The following DAPK1 variants were observed in gnomAD, a reference collection of about 807,000 sequenced individuals.
DAPK1 encodes death associated protein kinase 1, also known as death-associated protein kinase 1.
A neutral mutation model predicts 144.9 loss-of-function variants in DAPK1; 56 were observed. The ratio of observed to expected loss-of-function variants is 0.39; its 90% CI spans 0.31 to 0.48. The LOEUF is 0.48. Ranked by LOEUF, DAPK1 falls within the 20% of genes least tolerant of loss-of-function variation. The probability of loss-of-function intolerance (pLI) is 0.95; values close to 1 mark genes in which losing one functional copy is unlikely to be tolerated. For missense variants in DAPK1, 1,454 were observed against 1,875.4 expected (o/e 0.78, Z 4.15); for synonymous variants, 690 against 749.0 (o/e 0.92, Z 1.29).
Position 87,641,951 on chromosome 9 carries a change from C to A in DAPK1, c.829-18C>A, listed in dbSNP as rs866637667. ...TAATTTGAGAGCTTTAATTTTTTTTCTTGGATTTTTATTTTAGCCTAAAGA... is the reference window on the plus strand; with the variant it reads ...TAATTTGAGAGCTTTAATTTTTTTTATTGGATTTTTATTTTAGCCTAAAGA... On this transcript the variant is annotated intron_variant, in intron 9 of 25. Transcript: ENST00000408954. 1.3e-6 allele frequency: 2 copies of A among 1,584,624 alleles called. No individual in the cohort carries two copies. Among genetic ancestry groups the A allele is most frequent in the Non-Finnish European group, 1.7e-6 (2 of 1,165,992 alleles).
intron 2 of DAPK1, among the ~76,000 whole-genome samples, chr9:87,564,785 A>T (rs1563996894): frequency 6.6e-6 from 1 of 152,194 alleles, no homozygotes; most frequent in Non-Finnish European, 1.5e-5. Flanking sequence ...TCACCTCTTA[A>T]CGGTCTCACC....
Position 87,605,125 on chromosome 9 carries a change from C to T in DAPK1, c.234C>T (p.Thr78=), listed in dbSNP as rs1828667148. ...AGATCCAGCACCCCAATGTCATCAC[C>T]CTGCACGAGGTCTATGAGAACAAGA... ...LKEIQHPNVI[T]LHEVYENKTD... The change falls in exon 3 of 26, where the codon ACC becomes ACT. Residue 78 remains threonine, a synonymous_variant. Transcript: ENST00000408954. 6.2e-7 allele frequency: 1 copy of T among 1,614,162 alleles called. No homozygotes were observed. The highest frequency in any genetic ancestry group is 1.7e-5 in the Admixed American group (1 of 60,026).
At chr9:87,648,235 GA>G (rs1830333944) in intron 14 of DAPK1, among the ~76,000 whole-genome samples, 1 of 152,218 alleles carries the variant, frequency 6.6e-6, no homozygotes, top group Non-Finnish European at 1.5e-5. Context: ...GGGGTGGATA[GA>G]AGTAAAGTAT....
chr9:87,672,367 A>T (rs1423226291), intron 19 of DAPK1, among the ~76,000 whole-genome samples: 2 of 152,204 alleles, frequency 1.3e-5, no homozygotes. Flanking sequence ...TGAGCAACAT[A>T]CTAATCAGTG....
At position 87,668,461 on chromosome 9, in the gene DAPK1, A is replaced by T; in HGVS notation, c.1924-136A>T. 2.0e-5 allele frequency: 14 copies of T among 707,114 alleles called. No individual in the cohort carries two copies. The South Asian group carries it at 2.2e-4, about 11-fold the overall frequency. The allele number at this position is 707,114 out of a possible 1,614,324, so 43.8% of individuals were successfully genotyped here. ...TGCACAGCCAGAGAAACACACCGAGACGTGCTCTTTGTCCACCTGGCTTGC... is the reference window on the plus strand; with the variant it reads ...TGCACAGCCAGAGAAACACACCGAGTCGTGCTCTTTGTCCACCTGGCTTGC... On this transcript the variant is annotated intron_variant, in intron 18 of 25. Transcript: ENST00000408954.
chr9:87,663,796 TCTGTG>T (rs1830953169), intron 18 of DAPK1, among the ~76,000 whole-genome samples: 1 of 152,054 alleles, frequency 6.6e-6, no homozygotes, highest in African/African-American at 2.4e-5. Context: ...TCCCTCCAGT[TCTGTG>T]CTTCCTCCTC....
chr9:87,549,697 C>T (rs543619021), intron 2 of DAPK1, among the ~76,000 whole-genome samples: 18 of 152,272 alleles, frequency 1.2e-4, no homozygotes, highest in African/African-American at 3.8e-4. Context: ...GCTTTTATGA[C>T]GTGCCTTCTA....
rs532726746 is a variant in DAPK1, at chr9:87,514,253, G to A, written c.62+15114G>A. Among the ~76,000 whole-genome samples, 8 of 152,322 alleles carry A rather than the reference G, an allele frequency of 5.3e-5. No homozygotes were observed. In the East Asian group the frequency reaches 1.4e-3, roughly 26 times the overall value. Reference sequence around the variant, plus strand: ...TTGACCTTGGGTGTCCAGAGCTGGTGAGGGGAGAGAAAAGGCTGCCAGATG... The same window carrying A: ...TTGACCTTGGGTGTCCAGAGCTGGTAAGGGGAGAGAAAAGGCTGCCAGATG... On this transcript the variant is annotated intron_variant, in intron 2 of 25. Coordinates refer to ENST00000408954, the MANE Select transcript of DAPK1 (RefSeq NM_004938.4).
intron 2 of DAPK1, among the ~76,000 whole-genome samples, chr9:87,513,908 G>A (rs1183626308): frequency 2.0e-5 from 3 of 152,128 alleles, no homozygotes; most frequent in Non-Finnish European, 4.4e-5. Context: ...TCTGTTGTGG[G>A]GGCTGTCTTG....
At chr9:87,630,464 T>C (rs1253077160) in intron 3 of DAPK1, among the ~76,000 whole-genome samples, 9 of 152,208 alleles carry the variant, frequency 5.9e-5, no homozygotes, top group Middle Eastern at 3.2e-3. Context: ...ACATTCCTTC[T>C]ACCTAGCCTT....
At position 87,499,705 on chromosome 9, in the gene DAPK1, A is replaced by C. The variant is rs760112781; in HGVS notation, c.62+566A>C. On this transcript the variant is annotated intron_variant, in intron 2 of 25. Transcript: ENST00000408954. The stretch of plus-strand genomic sequence containing the variant: ...TGGTGGTTGCTTTGGTTTCATTTAC[A>C]ATGTTAAATTTTTAACAAATCAATG... 5.9e-5 allele frequency among the ~76,000 whole-genome samples: 9 copies of C among 152,362 alleles called. 1 individual carries two copies. The Middle Eastern group carries it at 0.01, about 173-fold the overall frequency.
intron 3 of DAPK1, among the ~76,000 whole-genome samples, chr9:87,622,769 G>A (rs145474502): frequency 1.4e-3 from 207 of 151,674 alleles, no homozygotes; most frequent in African/African-American, 4.7e-3. Context: ...AAATCAGCCG[G>A]GTGTGGTGGG....
At chr9:87,590,297 T>C (rs2118878509) in intron 2 of DAPK1, among the ~76,000 whole-genome samples, 1 of 152,044 alleles carries the variant, frequency 6.6e-6, no homozygotes, top group South Asian at 2.1e-4. Flanking sequence ...ATTATCTCTT[T>C]TCTTACTTCA....
At chr9:87,510,257 T>C (rs1449663229) in intron 2 of DAPK1, among the ~76,000 whole-genome samples, 1 of 152,136 alleles carries the variant, frequency 6.6e-6, no homozygotes, top group East Asian at 1.9e-4. Context: ...AGTCCCTTGG[T>C]TTTGTTCAGT....
At chr9:87,557,562 A>G (rs755653280) in intron 2 of DAPK1, among the ~76,000 whole-genome samples, 2 of 152,060 alleles carry the variant, frequency 1.3e-5, no homozygotes, top group Admixed American at 6.5e-5. Context: ...TTTTTTTTCT[A>G]TCTCTTACAG....
chr9:87,581,281 A>G (rs978338997), intron 2 of DAPK1, among the ~76,000 whole-genome samples: 7 of 152,196 alleles, frequency 4.6e-5, no homozygotes, highest in Admixed American at 1.3e-4. Flanking sequence ...GGGGAGGAAC[A>G]AGGACTAGCA....
At chr9:87,646,139 A>T in intron 12 of DAPK1, 125 bp downstream of exon 12, 1 of 1,187,782 alleles carries the variant, frequency 8.4e-7, no homozygotes, top group East Asian at 2.4e-5. Context: ...TACTGTGGGG[A>T]AAATCACTTC....
chr9:87,633,113 A>G (rs1376493744), intron 3 of DAPK1: 1 of 982,910 alleles, frequency 1.0e-6, no homozygotes, highest in Non-Finnish European at 1.2e-6. Context: ...GTACATATGT[A>G]GAAATAAAGA....
At chr9:87,523,328 A>T (rs1355763622) in intron 2 of DAPK1, among the ~76,000 whole-genome samples, 2 of 152,196 alleles carry the variant, frequency 1.3e-5, no homozygotes, top group Admixed American at 1.3e-4. Context: ...ACAGGGTCTC[A>T]TTCTGTTGCC....
Sources: allele counts gnomAD v4.1 joint callset (sites outside exome capture counted in the v4.1 genomes callset), GRCh38; gene constraint gnomAD v4.1.1; transcripts MANE v1.5; gene names NCBI Gene and HGNC (gene_info 2026-07-23, HGNC 2026-07-21).